ITFG1: variants seen among roughly 807,000 people sequenced by gnomAD.
ITFG1 encodes T-cell immunomodulatory protein.
In ITFG1, 34 loss-of-function variants were observed where a neutral mutation model predicts 81.8. The observed-to-expected ratio is 0.42, with a 90% CI of 0.32 to 0.55. The LOEUF (loss-of-function observed/expected upper bound fraction) is 0.55, where lower values mean the gene tolerates loss of function less well. Ranked by LOEUF, ITFG1 falls within the 20% of genes least tolerant of loss-of-function variation. ITFG1 has a pLI of 0.17. For synonymous variants in ITFG1, 285 were observed against 270.6 expected, an observed-to-expected ratio of 1.05 and a Z score of -0.52; for missense variants, 672 against 755.4, an observed-to-expected ratio of 0.89 and a Z score of 1.29.
rs115512914 is a variant in ITFG1 at position 47,272,263 on chromosome 16, T to C, written c.1071-11568A>G. Among the ~76,000 whole-genome samples, 662 of 152,118 alleles carry C rather than the reference T, an allele frequency of 4.4e-3. 6 individuals are homozygous for C. Among genetic ancestry groups the C allele is most frequent in the African/African-American group, 0.015 (626 of 41,506 alleles). Reference sequence around the variant, plus strand: ...AAAGCTATAGAGACAGAAAGAAGATTAGTGGTTTCCTAGGTCTGGTGGCAG... The same window carrying C: ...AAAGCTATAGAGACAGAAAGAAGATCAGTGGTTTCCTAGGTCTGGTGGCAG... On this transcript the variant is annotated intron_variant, in intron 10 of 17. Coordinates refer to ENST00000320640, the MANE Select transcript of ITFG1 (RefSeq NM_030790.5).
At chr16:47,234,157 A>G (rs1341145614) in intron 13 of ITFG1, among the ~76,000 whole-genome samples, 1 of 152,236 alleles carries the variant, frequency 6.6e-6, no homozygotes, top group Non-Finnish European at 1.5e-5. Context: ...AGACAAAGGA[A>G]GTATCAAAAC....
At chr16:47,419,909 A>C (rs1433619443) in intron 6 of ITFG1, among the ~76,000 whole-genome samples, 1 of 150,724 alleles carries the variant, frequency 6.6e-6, no homozygotes, top group Non-Finnish European at 1.5e-5. Flanking sequence ...GCCCTACTTC[A>C]GGTCTTATTG....
At chr16:47,256,928 T>C (rs1468266883) in intron 12 of ITFG1, among the ~76,000 whole-genome samples, 3 of 152,220 alleles carry the variant, frequency 2.0e-5, no homozygotes, top group South Asian at 2.1e-4. Context: ...ATCACAATAG[T>C]AATGCAAAAA....
chr16:47,271,871 A>G (rs1442296160), intron 10 of ITFG1, among the ~76,000 whole-genome samples: 1 of 152,040 alleles, frequency 6.6e-6, no homozygotes, highest in African/African-American at 2.4e-5. Flanking sequence ...AAACAAACAA[A>G]CAACAAAAAC....
intron 6 of ITFG1, among the ~76,000 whole-genome samples, chr16:47,396,952 T>A (rs145275724): frequency 2.8e-4 from 43 of 152,200 alleles, no homozygotes; most frequent in African/African-American, 1.0e-3. Flanking sequence ...TCACCTAAAA[T>A]GATGACAAGA....
At chr16:47,420,294 G>A (rs956809040) in intron 6 of ITFG1, among the ~76,000 whole-genome samples, 3 of 152,102 alleles carry the variant, frequency 2.0e-5, no homozygotes. Flanking sequence ...ATATTCTGAT[G>A]AGAAAAATAT....
intron 12 of ITFG1, among the ~76,000 whole-genome samples, chr16:47,257,334 A>T (rs1966151459): frequency 1.3e-5 from 2 of 152,178 alleles, no homozygotes; most frequent in Non-Finnish European, 2.9e-5. Flanking sequence ...ATTTCCATAC[A>T]CTAAAATATG....
At chr16:47,248,403 A>T (rs1003012259) in intron 12 of ITFG1, among the ~76,000 whole-genome samples, 33 of 152,224 alleles carry the variant, frequency 2.2e-4, no homozygotes, top group African/African-American at 7.5e-4. Context: ...AGAAAACAAA[A>T]CTAAATAAAT....
intron 2 of ITFG1, among the ~76,000 whole-genome samples, chr16:47,454,706 A>G (rs1291941292): frequency 6.6e-6 from 1 of 152,156 alleles, no homozygotes; most frequent in Non-Finnish European, 1.5e-5. Context: ...ATCCAAACAT[A>G]TATATCTAAC....
chr16:47,223,264 AC>A (rs1354545079), intron 13 of ITFG1, among the ~76,000 whole-genome samples: 2 of 152,196 alleles, frequency 1.3e-5, no homozygotes, highest in Non-Finnish European at 2.9e-5. Flanking sequence ...GAGCTTCTGC[AC>A]AGCAAAAGAA....
intron 8 of ITFG1, among the ~76,000 whole-genome samples, chr16:47,320,181 A>G (rs1478204685): frequency 6.6e-6 from 1 of 152,240 alleles, no homozygotes; most frequent in African/African-American, 2.4e-5. Context: ...TGCCAGTCTG[A>G]TAAGTGAAAA....
intron 12 of ITFG1, among the ~76,000 whole-genome samples, chr16:47,253,088 T>C (rs901962048): frequency 4.6e-5 from 7 of 152,244 alleles, no homozygotes; most frequent in South Asian, 4.1e-4. Context: ...AGCTTGGAGA[T>C]GTGTGGAGAA....
chr16:47,334,840 A>T (rs1161801089), intron 8 of ITFG1, among the ~76,000 whole-genome samples: 1 of 152,150 alleles, frequency 6.6e-6, no homozygotes, highest in African/African-American at 2.4e-5. Context: ...GATGAGAAAA[A>T]TTTTTTTGTT....
intron 8 of ITFG1, among the ~76,000 whole-genome samples, chr16:47,345,441 C>G (rs1057465512): frequency 2.0e-5 from 3 of 152,090 alleles, no homozygotes; most frequent in Admixed American, 6.5e-5. Context: ...GCTGGGATTA[C>G]AGATGCGTGC....
intron 6 of ITFG1, among the ~76,000 whole-genome samples, chr16:47,406,340 A>T (rs1968728881): frequency 6.6e-6 from 1 of 152,240 alleles, no homozygotes. Flanking sequence ...TAAGCATTGT[A>T]TGTATTTCTG....
intron 13 of ITFG1, among the ~76,000 whole-genome samples, chr16:47,224,082 A>C (rs1965729524): frequency 7.4e-6 from 1 of 135,420 alleles, no homozygotes; most frequent in African/African-American, 2.7e-5. Flanking sequence ...GGGGGAGGGG[A>C]GGGATAGCAT....
chr16:47,455,309 A>G (rs1270869064), intron 2 of ITFG1, among the ~76,000 whole-genome samples: 4 of 152,200 alleles, frequency 2.6e-5, no homozygotes, highest in African/African-American at 9.6e-5. Flanking sequence ...AACAAATAGC[A>G]ATAAGGAACC....
chr16:47,257,970 G>A (rs930187132), intron 12 of ITFG1, among the ~76,000 whole-genome samples: 3 of 152,202 alleles, frequency 2.0e-5, no homozygotes, highest in Admixed American at 1.3e-4. Context: ...AATGTAGAAG[G>A]TTGATTCAGG....
chr16:47,352,724 A>C (rs370357453), intron 8 of ITFG1, among the ~76,000 whole-genome samples: 1 of 152,154 alleles, frequency 6.6e-6, no homozygotes, highest in African/African-American at 2.4e-5. Context: ...ACCCAAAGGA[A>C]TATAAATCAT....
Sources: allele counts gnomAD v4.1 joint callset (sites outside exome capture counted in the v4.1 genomes callset), GRCh38; gene constraint gnomAD v4.1.1; transcripts MANE v1.5; gene names NCBI Gene and HGNC (gene_info 2026-07-23, HGNC 2026-07-21).